DPYD: variants seen among roughly 807,000 people sequenced by gnomAD.
The protein encoded by DPYD is dihydropyrimidine dehydrogenase [NADP(+)].
DPYD carries 109 observed loss-of-function variants against 116.2 expected under a neutral mutation model. The observed-to-expected ratio is 0.94, with a 90% confidence interval of 0.80 to 1.10. The LOEUF (loss-of-function observed/expected upper bound fraction) is 1.10, where lower values mean the gene tolerates loss of function less well. Ranked by LOEUF, DPYD falls within the 50% of genes least tolerant of loss-of-function variation. The pLI is 0.00. For missense variants in DPYD, 1,302 were observed against 1,254.5 expected, an observed-to-expected ratio of 1.04 and a Z score of -0.57; for synonymous variants, 440 against 432.0, an observed-to-expected ratio of 1.02 and a Z score of -0.23.
At chr1:97,600,858 T>G (rs1000769894) in intron 8 of DPYD, among the ~76,000 whole-genome samples, 1 of 152,140 alleles carries the variant, frequency 6.6e-6, no homozygotes, top group Non-Finnish European at 1.5e-5. Context: ...CAGTATTGGA[T>G]AGGTAGTATC....
chr1:97,848,333 G>A (rs1402435470), intron 2 of DPYD, among the ~76,000 whole-genome samples: 2 of 152,188 alleles, frequency 1.3e-5, no homozygotes, highest in Admixed American at 1.3e-4. Context: ...TCCTGACCTC[G>A]TGATCCACCC....
intron 13 of DPYD, among the ~76,000 whole-genome samples, chr1:97,482,736 T>C (rs1678393371): frequency 6.6e-6 from 1 of 152,122 alleles, no homozygotes; most frequent in African/African-American, 2.4e-5. Context: ...CCAGTTACTT[T>C]TGTACAGAGA....
At chr1:97,436,188 A>G (rs1289512769) in intron 14 of DPYD, among the ~76,000 whole-genome samples, 2 of 151,944 alleles carry the variant, frequency 1.3e-5, no homozygotes, top group Non-Finnish European at 2.9e-5. Flanking sequence ...TGAGTTCTCA[A>G]CACTGATTGT....
At chr1:97,358,022 T>C (rs189693124) in intron 16 of DPYD, among the ~76,000 whole-genome samples, 3 of 152,192 alleles carry the variant, frequency 2.0e-5, no homozygotes, top group African/African-American at 7.2e-5. Flanking sequence ...GAAGCACAAG[T>C]GGTTGGGGGA....
intron 16 of DPYD, among the ~76,000 whole-genome samples, chr1:97,338,934 T>A (rs976593851): frequency 3.3e-5 from 5 of 152,130 alleles, no homozygotes; most frequent in Non-Finnish European, 7.3e-5. Flanking sequence ...AAGGAAGAGC[T>A]AATGAATGAG....
At chr1:97,317,500 C>A (rs1667929178) in intron 16 of DPYD, among the ~76,000 whole-genome samples, 3 of 151,978 alleles carry the variant, frequency 2.0e-5, no homozygotes, top group Admixed American at 2.0e-4. Flanking sequence ...TTATTCTTTG[C>A]AGACTTCAAG....
At chr1:97,660,646 C>A (rs1313837966) in intron 8 of DPYD, among the ~76,000 whole-genome samples, 1 of 152,088 alleles carries the variant, frequency 6.6e-6, no homozygotes, top group Admixed American at 6.6e-5. Flanking sequence ...TCCCCACCAA[C>A]CTTTAGATTC....
At position 97,249,598 on chromosome 1, in the gene DPYD, TA is replaced by T. The variant is rs1003255334; in HGVS notation, c.2300-14605del. Reference sequence around the variant, plus strand: ...AGGATGTTAAAAGCAACGACTAATTTAAAAAAAAAATTGATAAACTGGACAC... The same window carrying T: ...AGGATGTTAAAAGCAACGACTAATTTAAAAAAAAATTGATAAACTGGACAC... On this transcript the variant is annotated intron_variant, in intron 18 of 22. Transcript: ENST00000370192. 6.4e-3 allele frequency among the ~76,000 whole-genome samples: 960 copies of T among 149,252 alleles called. 13 individuals carry two copies. Among genetic ancestry groups the T allele is most frequent in the African/African-American group, 0.021 (874 of 40,826 alleles).
chr1:97,530,832 C>A (rs189095082), intron 12 of DPYD, among the ~76,000 whole-genome samples: 88 of 152,198 alleles, frequency 5.8e-4, no homozygotes, highest in African/African-American at 2.1e-3. Flanking sequence ...GAGGTAATAT[C>A]TCAATGTGGT....
At chr1:97,372,599 G>A (rs892601493) in intron 16 of DPYD, among the ~76,000 whole-genome samples, 6 of 152,166 alleles carry the variant, frequency 3.9e-5, no homozygotes, top group African/African-American at 1.4e-4. Context: ...TATTCTGCAT[G>A]TTAAATATTT....
intron 14 of DPYD, chr1:97,420,057 G>C (rs1301384749): frequency 6.6e-6 from 1 of 152,176 alleles, no homozygotes; most frequent in African/African-American, 2.4e-5. Flanking sequence ...GAGGACACTG[G>C]GAGTGGCAGT....
At chr1:97,788,421 C>A (rs140255907) in intron 3 of DPYD, among the ~76,000 whole-genome samples, 2 of 152,158 alleles carry the variant, frequency 1.3e-5, no homozygotes, top group Non-Finnish European at 2.9e-5. Context: ...CCTTAGCTGA[C>A]GATCAGTACC....
chr1:97,471,189 C>G (rs1677627533), intron 13 of DPYD, among the ~76,000 whole-genome samples: 1 of 152,112 alleles, frequency 6.6e-6, no homozygotes, highest in Non-Finnish European at 1.5e-5. Flanking sequence ...ATAATGAGAT[C>G]AAACAAGTTT....
At chr1:97,728,846 T>G (rs959772713) in intron 4 of DPYD, among the ~76,000 whole-genome samples, 2 of 152,016 alleles carry the variant, frequency 1.3e-5, no homozygotes, top group Non-Finnish European at 2.9e-5. Flanking sequence ...TCACCATCCC[T>G]CAATGAACAA....
At chr1:97,419,043 T>C (rs1246549159) in intron 14 of DPYD, among the ~76,000 whole-genome samples, 3 of 152,224 alleles carry the variant, frequency 2.0e-5, no homozygotes. Flanking sequence ...AGAGAGGGCC[T>C]ACTTGCCATG....
intron 8 of DPYD, among the ~76,000 whole-genome samples, chr1:97,666,191 G>C (rs1327622016): frequency 2.0e-5 from 3 of 151,888 alleles, no homozygotes; most frequent in Non-Finnish European, 2.9e-5. Context: ...TTTATTTTCA[G>C]AACCAGAATC....
intron 14 of DPYD, among the ~76,000 whole-genome samples, chr1:97,383,202 C>G: frequency 6.6e-6 from 1 of 151,904 alleles, no homozygotes; most frequent in East Asian, 1.9e-4. Context: ...ATTGGCCAGG[C>G]GTGGTGGCTC....
chr1:97,745,772 G>T (rs1664514165), intron 3 of DPYD, among the ~76,000 whole-genome samples: 1 of 152,104 alleles, frequency 6.6e-6, no homozygotes, highest in South Asian at 2.1e-4. Context: ...CAGTGGCCAA[G>T]GCAGTGGAGG....
chr1:97,731,749 T>C (rs1444778033), intron 4 of DPYD, among the ~76,000 whole-genome samples: 1 of 152,010 alleles, frequency 6.6e-6, no homozygotes, highest in Admixed American at 6.6e-5. Context: ...TACATTGACT[T>C]TTACTTATTA....
Sources: gnomAD v4.1 joint callset for allele counts (sites outside exome capture counted in the v4.1 genomes callset) on GRCh38, gnomAD v4.1.1 for gene constraint, MANE v1.5 for transcripts, NCBI Gene and HGNC (gene_info 2026-07-23, HGNC 2026-07-21) for gene names.